CSMD1: variants seen among roughly 807,000 people sequenced by gnomAD.
The protein encoded by CSMD1 is CUB and Sushi multiple domains 1, also known as CUB and sushi domain-containing protein 1.
In CSMD1, 213 loss-of-function variants were observed where a neutral mutation model predicts 417.5. The observed-to-expected ratio is 0.51, with a 90% CI of 0.46 to 0.57. The LOEUF (loss-of-function observed/expected upper bound fraction) is 0.57. Among genes scored for constraint, CSMD1 ranks in the 20% least tolerant of loss-of-function variants. The probability of loss-of-function intolerance (pLI) is 0.00; values close to 1 mark genes in which losing one functional copy is unlikely to be tolerated. For synonymous variants in CSMD1, 2,862 were observed against 1,736.8 expected (o/e 1.65, Z -16.11); for missense variants, 6,923 against 4,529.7 (o/e 1.53, Z -15.17).
intron 1 of CSMD1, among the ~76,000 whole-genome samples, chr8:4,654,263 G>C (rs939386906): frequency 6.6e-6 from 1 of 151,988 alleles, no homozygotes; most frequent in African/African-American, 2.4e-5. Flanking sequence ...CAACAGTTCA[G>C]GCAAATCTCA....
intron 5 of CSMD1, among the ~76,000 whole-genome samples, chr8:3,943,621 C>G (rs955915155): frequency 6.6e-6 from 1 of 151,856 alleles, no homozygotes; most frequent in Non-Finnish European, 1.5e-5. Context: ...CCCATGTAAC[C>G]AAGAGATCAA....
intron 20 of CSMD1, among the ~76,000 whole-genome samples, chr8:3,363,812 C>T (rs1043336510): frequency 6.6e-6 from 1 of 152,142 alleles, no homozygotes; most frequent in Non-Finnish European, 1.5e-5. Context: ...GTAGACACGT[C>T]GTAGCGAGTG....
In CSMD1 at chr8:4,608,165, T is replaced by G. The variant is rs1479679437; in HGVS notation, c.302+29177A>C. Among the ~76,000 whole-genome samples, 6 of 151,846 alleles carry G rather than the reference T, an allele frequency of 4.0e-5. No homozygotes were observed. The South Asian group carries it at 6.3e-4, about 16-fold the overall frequency. ...GAGGCATTAGAGGGGACCCTAGGAG[T>G]CTTTTCAGGGCAAAGTAAAGAGTTT... On this transcript the variant is annotated intron_variant, in intron 2 of 69. Transcript: ENST00000635120.
At chr8:3,622,570 AG>A (rs1796306094) in intron 7 of CSMD1, among the ~76,000 whole-genome samples, 1 of 152,266 alleles carries the variant, frequency 6.6e-6, no homozygotes, top group African/African-American at 2.4e-5. Flanking sequence ...TACTAAAAAA[AG>A]GTTACTTAGT....
chr8:4,300,454 T>C (rs971469810), intron 3 of CSMD1, among the ~76,000 whole-genome samples: 1 of 152,258 alleles, frequency 6.6e-6, no homozygotes, highest in Non-Finnish European at 1.5e-5. Flanking sequence ...AAGAACTGAG[T>C]GTCCTTGGAA....
intron 5 of CSMD1, among the ~76,000 whole-genome samples, chr8:3,772,765 C>T (rs994515189): frequency 3.3e-5 from 5 of 149,534 alleles, no homozygotes; most frequent in Non-Finnish European, 3.0e-5. Context: ...AAATATTGAA[C>T]GAATGTCTGG....
At chr8:3,024,170 CAT>C (rs1809674155) in intron 51 of CSMD1, among the ~76,000 whole-genome samples, 1 of 151,488 alleles carries the variant, frequency 6.6e-6, no homozygotes. Flanking sequence ...AAGTAGGAAA[CAT>C]GAGAGATAAA....
intron 38 of CSMD1, among the ~76,000 whole-genome samples, chr8:3,158,518 C>T (rs1049793050): frequency 2.0e-5 from 3 of 152,118 alleles, no homozygotes; most frequent in African/African-American, 7.2e-5. Context: ...TAGACATCCT[C>T]ACACATCACA....
At chr8:3,759,169 A>G (rs1157284680) in intron 5 of CSMD1, among the ~76,000 whole-genome samples, 1 of 152,218 alleles carries the variant, frequency 6.6e-6, no homozygotes, top group East Asian at 1.9e-4. Flanking sequence ...TATGGTGGCA[A>G]GAGAAAGCAA....
At chr8:4,778,480 T>C (rs1439842927) in intron 1 of CSMD1, among the ~76,000 whole-genome samples, 1 of 152,216 alleles carries the variant, frequency 6.6e-6, no homozygotes, top group Non-Finnish European at 1.5e-5. Flanking sequence ...CATGAGATAA[T>C]GCACAAAAAG....
At chr8:4,957,318 C>A (rs947467653) in intron 1 of CSMD1, among the ~76,000 whole-genome samples, 1 of 152,104 alleles carries the variant, frequency 6.6e-6, no homozygotes, top group African/African-American at 2.4e-5. Flanking sequence ...TTTTTTTAAA[C>A]AAGGAAAGAT....
At chr8:3,237,349 C>G (rs1218676852) in intron 26 of CSMD1, among the ~76,000 whole-genome samples, 1 of 151,666 alleles carries the variant, frequency 6.6e-6, no homozygotes, top group Non-Finnish European at 1.5e-5. Context: ...TGTCTGTAAT[C>G]TCAGCTACTC....
chr8:3,764,629 T>A (rs1186919029), intron 5 of CSMD1, among the ~76,000 whole-genome samples: 3 of 152,158 alleles, frequency 2.0e-5, no homozygotes, highest in Non-Finnish European at 2.9e-5. Flanking sequence ...ATCCACATTG[T>A]GACTTACCAT....
intron 44 of CSMD1, among the ~76,000 whole-genome samples, chr8:3,108,366 G>C (rs986390335): frequency 6.6e-6 from 1 of 152,136 alleles, no homozygotes; most frequent in African/African-American, 2.4e-5. Context: ...TCATCTTAGA[G>C]TTTCACTTAG....
intron 12 of CSMD1, among the ~76,000 whole-genome samples, chr8:3,445,886 C>G (rs571613856): frequency 6.6e-6 from 1 of 152,002 alleles, no homozygotes; most frequent in African/African-American, 2.4e-5. Flanking sequence ...ATAGCAAAAG[C>G]GTAAAATTGA....
chr8:3,578,919 C>T (rs1344051966), intron 9 of CSMD1, among the ~76,000 whole-genome samples: 2 of 152,208 alleles, frequency 1.3e-5, no homozygotes, highest in African/African-American at 4.8e-5. Context: ...CGTAAGTTGC[C>T]ATCGTGGATA....
At chr8:3,419,117 T>A (rs557127195) in intron 12 of CSMD1, among the ~76,000 whole-genome samples, 2 of 152,324 alleles carry the variant, frequency 1.3e-5, no homozygotes, top group Admixed American at 1.3e-4. Context: ...AGGTCGAGGC[T>A]TCTCAATGAC....
Position 4,246,428 on chromosome 8 carries a change from G to C in CSMD1, c.415+173525C>G, listed in dbSNP as rs184788982. ...AAGTTCTTAATAAGTTGTAGAGAAAGGGCACTCCATTTTCTTCGTATGGTA... is the reference window on the plus strand; with the variant it reads ...AAGTTCTTAATAAGTTGTAGAGAAACGGCACTCCATTTTCTTCGTATGGTA... On this transcript the variant is annotated intron_variant, in intron 3 of 69. Coordinates refer to ENST00000635120, the MANE Select transcript of CSMD1 (RefSeq NM_033225.6). 5.6e-4 allele frequency among the ~76,000 whole-genome samples: 85 copies of C among 152,236 alleles called. 1 individual carries two copies. The highest frequency in any genetic ancestry group is 7.8e-4 in the Non-Finnish European group (53 of 68,012).
intron 3 of CSMD1, among the ~76,000 whole-genome samples, chr8:4,270,640 C>G (rs1306589158): frequency 3.3e-5 from 5 of 152,160 alleles, no homozygotes; most frequent in Admixed American, 6.5e-5. Flanking sequence ...ACCTGCCCCT[C>G]AAATGAAGAT....
Sources: allele counts gnomAD v4.1 joint callset (sites outside exome capture counted in the v4.1 genomes callset), GRCh38; gene constraint gnomAD v4.1.1; transcripts MANE v1.5; gene names NCBI Gene and HGNC (gene_info 2026-07-23, HGNC 2026-07-21).